The following ITGB3BP variants were observed in gnomAD, a reference collection of about 807,000 sequenced individuals.
ITGB3BP encodes integrin subunit beta 3 binding protein, also known as centromere protein R.
A neutral mutation model predicts 29.1 loss-of-function variants in ITGB3BP; 27 were observed. The ratio of observed to expected loss-of-function variants is 0.93; its 90% CI spans 0.68 to 1.28. The LOEUF (loss-of-function observed/expected upper bound fraction) is 1.28. ITGB3BP is among the 50% of genes most tolerant of loss of function. The pLI, the probability that ITGB3BP is intolerant of heterozygous loss-of-function variation, is 0.00. For synonymous variants in ITGB3BP, 61 were observed against 61.4 expected (o/e 0.99, Z 0.03); for missense variants, 192 against 200.2 (o/e 0.96, Z 0.25).
Position 63,506,340 on chromosome 1 carries a change from T to C in ITGB3BP, c.48+2188A>G, listed in dbSNP as rs996764685. Reference sequence around the variant, plus strand: ...TATCAGAGACTAGGATTGCAACCCCTGCCCAAAAGGCACTTCTTAATTGGC... The same window carrying C: ...TATCAGAGACTAGGATTGCAACCCCCGCCCAAAAGGCACTTCTTAATTGGC... On this transcript the variant is annotated intron_variant, in intron 2 of 8. Transcript: ENST00000271002. 3.9e-5 allele frequency among the ~76,000 whole-genome samples: 6 copies of C among 152,320 alleles called. No homozygotes were observed. In the Middle Eastern group the frequency reaches 0.01, roughly 259 times the overall value.
At chr1:63,489,576 C>A (rs1430151290) in intron 3 of ITGB3BP, among the ~76,000 whole-genome samples, 3 of 151,484 alleles carry the variant, frequency 2.0e-5, no homozygotes. Flanking sequence ...TGGAAAAATT[C>A]TACAAACCTT....
chr1:63,475,900 A>G (rs61766982), intron 4 of ITGB3BP, among the ~76,000 whole-genome samples: 59,536 of 150,576 alleles, frequency 0.4, 13,482 homozygotes, highest in Non-Finnish European at 0.52. Context: ...AGGGAGGCTG[A>G]GGCAGGAGAA....
At chr1:63,445,241 G>C (rs1050519563) in intron 8 of ITGB3BP, among the ~76,000 whole-genome samples, 1 of 152,142 alleles carries the variant, frequency 6.6e-6, no homozygotes. Context: ...AGCCGAGATC[G>C]TGCCACTGCA....
At chr1:63,446,783 A>G (rs901364495) in intron 8 of ITGB3BP, 23 bp downstream of exon 8, 3 of 1,550,516 alleles carry the variant, frequency 1.9e-6, no homozygotes, top group Admixed American at 1.7e-5. Context: ...AGGTTAAACT[A>G]AATTAGAAAG....
chr1:63,481,458 T>C (rs976211428), intron 3 of ITGB3BP, among the ~76,000 whole-genome samples: 3 of 152,186 alleles, frequency 2.0e-5, no homozygotes, highest in African/African-American at 7.2e-5. Context: ...TTCCATTCTA[T>C]TAAAAAAAGT....
intron 4 of ITGB3BP, among the ~76,000 whole-genome samples, chr1:63,477,866 CCT>C (rs1195983200): frequency 6.6e-6 from 1 of 152,104 alleles, no homozygotes; most frequent in Non-Finnish European, 1.5e-5. Flanking sequence ...AAATTTAACC[CCT>C]GTTCTGCTTA....
chr1:63,471,681 C>T (rs1241786195), intron 4 of ITGB3BP, among the ~76,000 whole-genome samples: 1 of 152,160 alleles, frequency 6.6e-6, no homozygotes, highest in Non-Finnish European at 1.5e-5. Flanking sequence ...ACAGTGCTAT[C>T]TTTTGTAGAG....
At chr1:63,448,064 T>TA (rs1173585897) in intron 7 of ITGB3BP, among the ~76,000 whole-genome samples, 3 of 150,150 alleles carry the variant, frequency 2.0e-5, no homozygotes, top group Non-Finnish European at 4.4e-5. Context: ...TCATTCTCAG[T>TA]AAACTATTGC....
chr1:63,513,082 C>G (rs1301254222), intron 1 of ITGB3BP, among the ~76,000 whole-genome samples: 1 of 152,130 alleles, frequency 6.6e-6, no homozygotes, highest in Non-Finnish European at 1.5e-5. Flanking sequence ...ACTTGAGGCA[C>G]TTGATCTTGA....
At chr1:63,523,103 G>C (rs758517846) in intron 1 of ITGB3BP, 26 bp downstream of exon 1, 10 of 1,613,574 alleles carry the variant, frequency 6.2e-6, no homozygotes, top group Non-Finnish European at 8.5e-6. Flanking sequence ...CCCCAAAACA[G>C]CAATACCTGG....
At chr1:63,492,775 A>AAAAC (rs1645681290) in intron 2 of ITGB3BP, among the ~76,000 whole-genome samples, 1 of 151,950 alleles carries the variant, frequency 6.6e-6, no homozygotes, top group Non-Finnish European at 1.5e-5. Flanking sequence ...CAAAATAAAA[A>AAAAC]AAAACAAAAC....
At chr1:63,515,648 A>G (rs1646299233) in intron 1 of ITGB3BP, among the ~76,000 whole-genome samples, 1 of 151,854 alleles carries the variant, frequency 6.6e-6, no homozygotes, top group African/African-American at 2.4e-5. Flanking sequence ...CAATATGGTG[A>G]AACCCCATCT....
chr1:63,505,405 CTTCT>C (rs1646051993), intron 2 of ITGB3BP, among the ~76,000 whole-genome samples: 2 of 151,836 alleles, frequency 1.3e-5, no homozygotes, highest in African/African-American at 4.8e-5. Context: ...TCTCTCTTTT[CTTCT>C]TTATTAGTCT....
At chr1:63,492,913 A>G (rs1281892841) in intron 2 of ITGB3BP, among the ~76,000 whole-genome samples, 1 of 150,762 alleles carries the variant, frequency 6.6e-6, no homozygotes, top group Non-Finnish European at 1.5e-5. Context: ...GTTTGAAACC[A>G]GCCTGAGCAA....
chr1:63,472,917 CGT>C (rs1645234052), intron 4 of ITGB3BP, among the ~76,000 whole-genome samples: 1 of 152,060 alleles, frequency 6.6e-6, no homozygotes, highest in South Asian at 2.1e-4. Context: ...AAGTGAGGAG[CGT>C]CTCTGCCTGG....
At chr1:63,522,910 G>A (rs1646490010) in intron 1 of ITGB3BP, 1 of 729,778 alleles carries the variant, frequency 1.4e-6, no homozygotes, top group Non-Finnish European at 2.5e-6. Context: ...TCTGTCAAAA[G>A]CATCGTAGAA....
At chr1:63,488,174 T>C (rs1490116025) in intron 3 of ITGB3BP, among the ~76,000 whole-genome samples, 2 of 152,060 alleles carry the variant, frequency 1.3e-5, no homozygotes, top group African/African-American at 2.4e-5. Context: ...CAAATGTACA[T>C]AGAAAGTACA....
chr1:63,451,376 A>C (rs1213873083), intron 7 of ITGB3BP, among the ~76,000 whole-genome samples: 1 of 151,928 alleles, frequency 6.6e-6, no homozygotes, highest in Non-Finnish European at 1.5e-5. Flanking sequence ...CAAACTCCCA[A>C]AACATTTTAA....
At chr1:63,507,414 G>A (rs532346600) in intron 2 of ITGB3BP, among the ~76,000 whole-genome samples, 4 of 152,274 alleles carry the variant, frequency 2.6e-5, no homozygotes, top group Non-Finnish European at 5.9e-5. Context: ...TTCATGAAGA[G>A]AACGGGTTCT....
Sources: gnomAD v4.1 joint callset for allele counts (sites outside exome capture counted in the v4.1 genomes callset) on GRCh38, gnomAD v4.1.1 for gene constraint, MANE v1.5 for transcripts, NCBI Gene and HGNC (gene_info 2026-07-23, HGNC 2026-07-21) for gene names.